The following ANO6 variants were observed in gnomAD, a reference collection of about 807,000 sequenced individuals.
ANO6 encodes the protein anoctamin 6, also known as anoctamin-6.
ANO6 carries 106 observed loss-of-function variants against 117.5 expected under a neutral mutation model. That is an observed-to-expected ratio of 0.90 (90% CI 0.77 to 1.06). ANO6 has a LOEUF of 1.06. ANO6 is among the 50% of genes least tolerant of loss of function. The pLI is 0.00. For missense variants in ANO6, 955 were observed against 1,121.1 expected, an observed-to-expected ratio of 0.85 and a Z score of 2.12; for synonymous variants, 367 against 385.1, an observed-to-expected ratio of 0.95 and a Z score of 0.55.
At chr12:45,369,139 A>G (rs994820603) in intron 9 of ANO6, among the ~76,000 whole-genome samples, 1 of 152,196 alleles carries the variant, frequency 6.6e-6, no homozygotes, top group Middle Eastern at 3.2e-3. Context: ...ATGGATTTTT[A>G]CACTTAATTT....
chr12:45,313,740 C>A (rs1212899877), intron 2 of ANO6, among the ~76,000 whole-genome samples: 1 of 152,018 alleles, frequency 6.6e-6, no homozygotes, highest in African/African-American at 2.4e-5. Context: ...TAATCATACC[C>A]AGCAATATTA....
intron 1 of ANO6, among the ~76,000 whole-genome samples, chr12:45,240,593 A>G (rs1483713508): frequency 6.6e-6 from 1 of 151,876 alleles, no homozygotes; most frequent in Non-Finnish European, 1.5e-5. Context: ...TCCCGTCATT[A>G]TGATCTTCGC....
chr12:45,318,827 G>A (rs1287948141), intron 2 of ANO6, among the ~76,000 whole-genome samples: 7 of 152,060 alleles, frequency 4.6e-5, no homozygotes, highest in Admixed American at 3.3e-4. Context: ...TTCTCCTTGA[G>A]GAGGTCCTTC....
At chr12:45,264,451 C>T (rs1447566078) in intron 1 of ANO6, among the ~76,000 whole-genome samples, 1 of 152,132 alleles carries the variant, frequency 6.6e-6, no homozygotes, top group African/African-American at 2.4e-5. Flanking sequence ...TCAGTTATGT[C>T]TTATTTAGTC....
chr12:45,432,593 A>T (rs1319231775), downstream of ANO6, among the ~76,000 whole-genome samples: 1 of 152,204 alleles, frequency 6.6e-6, no homozygotes, highest in African/African-American at 2.4e-5. Flanking sequence ...AATCTAGCAA[A>T]TTTTACCACT....
intron 19 of ANO6, among the ~76,000 whole-genome samples, chr12:45,437,357 TAAA>T (rs1173191860): frequency 6.6e-6 from 1 of 152,186 alleles, no homozygotes; most frequent in Non-Finnish European, 1.5e-5. Context: ...ACATTAAAAA[TAAA>T]AAACAATGCC....
intron 17 of ANO6, among the ~76,000 whole-genome samples, chr12:45,418,739 T>C (rs1943277724): frequency 6.6e-6 from 1 of 152,230 alleles, no homozygotes; most frequent in Non-Finnish European, 1.5e-5. Context: ...TCAGTGTGTG[T>C]ATGTGTACAG....
In ANO6 at chr12:45,384,811, T is replaced by A. The variant is rs73093326; in HGVS notation, c.1166-3350T>A. On this transcript the variant is annotated intron_variant, in intron 10 of 19. Coordinates refer to ENST00000320560, the MANE Select transcript of ANO6 (RefSeq NM_001025356.3). Reference sequence around the variant, plus strand: ...TGTGACACAAAGTGGGTACATGTTGTTGGAAAAATGGCATTGATAGAGGCT... The same window carrying A: ...TGTGACACAAAGTGGGTACATGTTGATGGAAAAATGGCATTGATAGAGGCT... 2.0e-3 allele frequency among the ~76,000 whole-genome samples: 312 copies of A among 152,294 alleles called. 1 individual carries two copies. Among genetic ancestry groups the A allele is most frequent in the South Asian group, 8.1e-3 (39 of 4,824 alleles).
chr12:45,221,065 G>T (rs931385113), intron 1 of ANO6, among the ~76,000 whole-genome samples: 3 of 151,648 alleles, frequency 2.0e-5, no homozygotes, highest in African/African-American at 7.3e-5. Context: ...GAAGTGGGGG[G>T]GGGCAGCCTT....
intron 3 of ANO6, among the ~76,000 whole-genome samples, chr12:45,336,808 TAACTGTAAA>T: frequency 6.6e-6 from 1 of 152,128 alleles, no homozygotes; most frequent in East Asian, 1.9e-4. Context: ...AAAAGGAAGT[TAACTGTAAA>T]ACAGCCTCAG....
At chr12:45,327,400 A>C (rs1446341894) in intron 2 of ANO6, among the ~76,000 whole-genome samples, 3 of 152,216 alleles carry the variant, frequency 2.0e-5, no homozygotes, top group Non-Finnish European at 4.4e-5. Context: ...AAAAGCTTTT[A>C]AAAAGGCTGT....
intron 19 of ANO6, among the ~76,000 whole-genome samples, chr12:45,424,840 AAAG>A (rs1332407448): frequency 6.6e-6 from 1 of 152,146 alleles, no homozygotes; most frequent in Non-Finnish European, 1.5e-5. Flanking sequence ...GCCTCAGTAG[AAAG>A]AAGTGTGTAT....
intron 1 of ANO6, among the ~76,000 whole-genome samples, chr12:45,291,213 G>A (rs1488851381): frequency 6.6e-6 from 1 of 152,014 alleles, no homozygotes; most frequent in Non-Finnish European, 1.5e-5. Context: ...GGGCATGGTG[G>A]TGCATGCCTG....
intron 1 of ANO6, among the ~76,000 whole-genome samples, chr12:45,225,313 T>C (rs992495105): frequency 1.3e-5 from 2 of 152,236 alleles, no homozygotes; most frequent in Admixed American, 1.3e-4. Flanking sequence ...CCTTTAGGTT[T>C]TCTTCTGTTA....
intron 15 of ANO6, among the ~76,000 whole-genome samples, chr12:45,404,272 A>G (rs561778515): frequency 6.6e-6 from 1 of 152,280 alleles, no homozygotes; most frequent in South Asian, 2.1e-4. Context: ...TTGTACTTCA[A>G]ATGTTAACTA....
exon 20 of ANO6, chr12:45,439,855 A>G (rs1049266474): frequency 6.5e-7 from 1 of 1,533,158 alleles, no homozygotes; most frequent in Non-Finnish European, 8.8e-7. Context: ...AATAATATCT[A>G]TTTTCTTTTC....
chr12:45,275,935 A>G lies in ANO6; in HGVS notation c.71-26079A>G, dbSNP rs114671030. On this transcript the variant is annotated intron_variant, in intron 1 of 19. Coordinates refer to ENST00000320560, the MANE Select transcript of ANO6 (RefSeq NM_001025356.3). ...TTAATTTGCTGACTCTCCAAGGTGT[A>G]TATCTCCAACACTGAGCTCTTCTGA... Among the ~76,000 whole-genome samples the G allele has an allele frequency of 2.7e-3, 411 of 152,228 alleles. 2 individuals carry two copies. Among genetic ancestry groups the G allele is most frequent in the African/African-American group, 9.5e-3 (393 of 41,542 alleles).
chr12:45,412,165 A>G (rs1394537693), intron 16 of ANO6, among the ~76,000 whole-genome samples: 1 of 152,224 alleles, frequency 6.6e-6, no homozygotes, highest in Admixed American at 6.5e-5. Flanking sequence ...CCAAGTACAC[A>G]GACACAGAAC....
intron 1 of ANO6, among the ~76,000 whole-genome samples, chr12:45,232,134 C>T (rs560682377): frequency 4.6e-5 from 7 of 152,176 alleles, no homozygotes; most frequent in South Asian, 2.1e-4. Context: ...TAAATATGTG[C>T]GGTATATTTA....
Sources: gnomAD v4.1 joint callset for allele counts (sites outside exome capture counted in the v4.1 genomes callset) on GRCh38, gnomAD v4.1.1 for gene constraint, MANE v1.5 for transcripts, NCBI Gene and HGNC (gene_info 2026-07-23, HGNC 2026-07-21) for gene names.